LARGE1: variants seen among roughly 807,000 people sequenced by gnomAD.
LARGE1 encodes LARGE xylosyl- and glucuronyltransferase 1.
Under a neutral mutation model 87.6 loss-of-function variants are expected in LARGE1, and 43 were observed. That is an observed-to-expected ratio of 0.49 (90% confidence interval 0.38 to 0.63). The LOEUF (loss-of-function observed/expected upper bound fraction) is 0.63. LARGE1 is among the 30% of genes least tolerant of loss of function. The pLI is 0.00. For missense variants in LARGE1, 802 were observed against 1,000.2 expected (o/e 0.80, Z 2.67); for synonymous variants, 434 against 394.6 (o/e 1.10, Z -1.18).
chr22:33,664,475 G>A (rs541582589), intron 2 of LARGE1, among the ~76,000 whole-genome samples: 1 of 152,266 alleles, frequency 6.6e-6, no homozygotes, highest in South Asian at 2.1e-4. Context: ...TATGACCCCA[G>A]TTCTGGGACC....
At chr22:33,401,497 C>T (rs2065924572) in intron 7 of LARGE1, among the ~76,000 whole-genome samples, 2 of 152,260 alleles carry the variant, frequency 1.3e-5, no homozygotes, top group South Asian at 2.1e-4. Flanking sequence ...AAAAGAAAAT[C>T]TCCATGCCAA....
At chr22:33,721,440 T>C (rs2083094368) in intron 2 of LARGE1, among the ~76,000 whole-genome samples, 1 of 152,174 alleles carries the variant, frequency 6.6e-6, no homozygotes, top group African/African-American at 2.4e-5. Context: ...CAGAGGACTA[T>C]TATCAATTCA....
intron 2 of LARGE1, among the ~76,000 whole-genome samples, chr22:33,740,094 G>C (rs2083821795): frequency 6.6e-6 from 1 of 152,088 alleles, no homozygotes; most frequent in Non-Finnish European, 1.5e-5. Flanking sequence ...TCTGGCATAC[G>C]ATCTCAGCAC....
At chr22:33,652,368 A>AAC (rs1003695444) in intron 2 of LARGE1, among the ~76,000 whole-genome samples, 4 of 151,906 alleles carry the variant, frequency 2.6e-5, no homozygotes, top group African/African-American at 9.7e-5. Flanking sequence ...TTAAAAAAAA[A>AAC]CAAACACTTA....
chr22:33,186,107 G>T (rs1324452970), intron 11 of LARGE1, among the ~76,000 whole-genome samples: 1 of 151,900 alleles, frequency 6.6e-6, no homozygotes, highest in Non-Finnish European at 1.5e-5. Context: ...CCAATTATGG[G>T]AAAAAAATCA....
chr22:33,398,978 T>C (rs1300643820), intron 7 of LARGE1, among the ~76,000 whole-genome samples: 1 of 152,174 alleles, frequency 6.6e-6, no homozygotes, highest in Non-Finnish European at 1.5e-5. Flanking sequence ...AACTTCTGCT[T>C]TTTTAAAAAA....
At chr22:33,745,043 C>T (rs547122985) in intron 2 of LARGE1, among the ~76,000 whole-genome samples, 1 of 152,312 alleles carries the variant, frequency 6.6e-6, no homozygotes, top group South Asian at 2.1e-4. Flanking sequence ...TTATCCCACA[C>T]TAAGGACCGA....
chr22:33,552,409 C>A (rs1018832209), intron 6 of LARGE1, among the ~76,000 whole-genome samples: 2 of 151,714 alleles, frequency 1.3e-5, no homozygotes, highest in East Asian at 3.9e-4. Flanking sequence ...GGAGGGCTTA[C>A]CAAGAGATGG....
chr22:33,701,857 T>C (rs1444469738), intron 2 of LARGE1, among the ~76,000 whole-genome samples: 1 of 152,222 alleles, frequency 6.6e-6, no homozygotes, highest in Non-Finnish European at 1.5e-5. Flanking sequence ...GTGGAATCCA[T>C]GGTGACAGCT....
chr22:33,524,911 T>C (rs965538004), intron 6 of LARGE1, among the ~76,000 whole-genome samples: 1 of 152,196 alleles, frequency 6.6e-6, no homozygotes, highest in African/African-American at 2.4e-5. Flanking sequence ...AGTAGTTTGT[T>C]TTGGTAAAGA....
chr22:33,352,267 G>C (rs1940461956), intron 9 of LARGE1, among the ~76,000 whole-genome samples: 1 of 152,100 alleles, frequency 6.6e-6, no homozygotes, highest in Admixed American at 6.6e-5. Context: ...GAAACTACCT[G>C]ACCAGTACTC....
intron 3 of LARGE1, among the ~76,000 whole-genome samples, chr22:33,646,697 C>T (rs1407731373): frequency 6.6e-6 from 1 of 151,858 alleles, no homozygotes; most frequent in African/African-American, 2.4e-5. Context: ...ATCCTATGTG[C>T]TGCTCCTTAA....
intron 4 of LARGE1, among the ~76,000 whole-genome samples, chr22:33,608,918 T>A (rs2079342261): frequency 6.6e-6 from 1 of 152,136 alleles, no homozygotes; most frequent in Non-Finnish European, 1.5e-5. Context: ...AATAACATAA[T>A]AAACATAAAG....
the LARGE1 span, among the ~76,000 whole-genome samples, chr22:33,126,259 C>T: frequency 6.6e-6 from 1 of 152,258 alleles, no homozygotes; most frequent in South Asian, 2.1e-4. Flanking sequence ...AGCAGTTTAT[C>T]AGTGGAAGGA....
intron 5 of LARGE1, among the ~76,000 whole-genome samples, chr22:33,602,554 G>T (rs1182995260): frequency 6.6e-6 from 1 of 151,928 alleles, no homozygotes; most frequent in Non-Finnish European, 1.5e-5. Context: ...TTTTTGTAGA[G>T]ACACGCATCT....
chr22:33,723,722 CCTT>C (rs2149449438), intron 2 of LARGE1: 1 of 151,820 alleles, frequency 6.6e-6, no homozygotes, highest in South Asian at 2.1e-4. Context: ...TCTGAGCCCC[CCTT>C]TTTTCCCCCT....
chr22:33,438,563 T>C (rs1025397137), intron 6 of LARGE1, among the ~76,000 whole-genome samples: 2 of 152,180 alleles, frequency 1.3e-5, no homozygotes, highest in African/African-American at 4.8e-5. Flanking sequence ...AGCCAGCAGA[T>C]GGATGGCTCT....
At chr22:33,499,535 C>G (rs2070328731) in intron 6 of LARGE1, among the ~76,000 whole-genome samples, 1 of 152,188 alleles carries the variant, frequency 6.6e-6, no homozygotes, top group South Asian at 2.1e-4. Context: ...AAAAGGGGAG[C>G]CAGCCCGAGG....
At chr22:33,780,277 G>T (rs1039583934) in intron 1 of LARGE1, among the ~76,000 whole-genome samples, 5 of 152,168 alleles carry the variant, frequency 3.3e-5, no homozygotes, top group Non-Finnish European at 5.9e-5. Context: ...AGGCACTGAG[G>T]CTTGGAACTT....
Sources: allele counts gnomAD v4.1 joint callset (sites outside exome capture counted in the v4.1 genomes callset), GRCh38; gene constraint gnomAD v4.1.1; transcripts MANE v1.5; gene names NCBI Gene and HGNC (gene_info 2026-07-23, HGNC 2026-07-21).